The following DLGAP1 variants were observed in gnomAD, a reference collection of about 807,000 sequenced individuals.
DLGAP1 encodes disks large-associated protein 1.
DLGAP1 carries 11 observed loss-of-function variants against 90.8 expected under a neutral mutation model. The observed-to-expected ratio is 0.12, with a 90% confidence interval of 0.08 to 0.20. DLGAP1 has a LOEUF of 0.20. DLGAP1 is among the 10% of genes least tolerant of loss of function. DLGAP1 has a pLI of 1.00. For missense variants in DLGAP1, 1,050 were observed against 1,333.8 expected (o/e 0.79, Z 3.31); for synonymous variants, 558 against 540.7 (o/e 1.03, Z -0.44).
chr18:4,155,701 A>T (rs2076744483), intron 1 of DLGAP1, among the ~76,000 whole-genome samples: 1 of 152,176 alleles, frequency 6.6e-6, no homozygotes, highest in African/African-American at 2.4e-5. Flanking sequence ...TGAATTTGTA[A>T]CATTAAACAT....
intron 7 of DLGAP1, among the ~76,000 whole-genome samples, chr18:3,600,939 G>GATAGATAT (rs1364981313): frequency 3.4e-5 from 2 of 58,166 alleles, no homozygotes; most frequent in African/African-American, 9.7e-5. Flanking sequence ...TAGATATATA[G>GATAGATAT]ATAGATATAT....
At chr18:4,385,080 T>G (rs1407462141) in intron 1 of DLGAP1, among the ~76,000 whole-genome samples, 2 of 152,050 alleles carry the variant, frequency 1.3e-5, no homozygotes, top group Non-Finnish European at 2.9e-5. Context: ...CAATAAGTAA[T>G]AATGAAAGCT....
intron 1 of DLGAP1, among the ~76,000 whole-genome samples, chr18:4,156,318 G>C (rs746545740): frequency 6.6e-6 from 1 of 152,286 alleles, no homozygotes; most frequent in East Asian, 1.9e-4. Flanking sequence ...GTGATTGGTA[G>C]TATTCCTATT....
At chr18:3,548,585 G>A (rs917624099) in intron 9 of DLGAP1, among the ~76,000 whole-genome samples, 1 of 152,066 alleles carries the variant, frequency 6.6e-6, no homozygotes, top group Non-Finnish European at 1.5e-5. Flanking sequence ...TGTGCAACAT[G>A]GTGAAACCCC....
At chr18:4,395,941 C>T (rs762738026) in intron 1 of DLGAP1, among the ~76,000 whole-genome samples, 10 of 152,144 alleles carry the variant, frequency 6.6e-5, no homozygotes, top group Non-Finnish European at 1.5e-4. Context: ...GGAAAAGTGA[C>T]AGAGTCTACC....
chr18:3,712,899 C>T (rs1400964382), intron 7 of DLGAP1, among the ~76,000 whole-genome samples: 1 of 152,208 alleles, frequency 6.6e-6, no homozygotes, highest in Non-Finnish European at 1.5e-5. Flanking sequence ...AAGGCAAATT[C>T]GTGGGAGTGA....
intron 2 of DLGAP1, among the ~76,000 whole-genome samples, chr18:4,036,601 T>C (rs1156772983): frequency 6.6e-6 from 1 of 152,186 alleles, no homozygotes; most frequent in Non-Finnish European, 1.5e-5. Context: ...TGAACATGCG[T>C]TCTAAATACT....
chr18:4,395,543 C>T (rs1236397471), intron 1 of DLGAP1, among the ~76,000 whole-genome samples: 1 of 152,146 alleles, frequency 6.6e-6, no homozygotes, highest in Non-Finnish European at 1.5e-5. Flanking sequence ...CTGTAAAGAT[C>T]ATTAACATGG....
chr18:4,085,580 G>A (rs1399375985), intron 2 of DLGAP1, among the ~76,000 whole-genome samples: 1 of 152,182 alleles, frequency 6.6e-6, no homozygotes. Context: ...AATACTTTGA[G>A]AGCAAAACCT....
chr18:3,952,074 T>C (rs2072997401), intron 3 of DLGAP1, among the ~76,000 whole-genome samples: 1 of 152,162 alleles, frequency 6.6e-6, no homozygotes, highest in South Asian at 2.1e-4. Context: ...ATTTCTATAA[T>C]AGAGAGATAG....
chr18:3,969,003 G>A lies in DLGAP1; in HGVS notation c.-73+36113C>T, dbSNP rs1054832636. Among the ~76,000 whole-genome samples, 7 of 151,874 alleles carry A rather than the reference G, an allele frequency of 4.6e-5. 1 individual carries two copies. Among genetic ancestry groups the A allele is most frequent in the Non-Finnish European group, 7.4e-5 (5 of 67,958 alleles). On this transcript the variant is annotated intron_variant, in intron 3 of 12. Transcript: ENST00000315677. ...ATTTTGCAGGTGGCAAGAGACCAGC[G>A]AGACAACAAAGGAAAGAAGTTAACT...
At chr18:4,232,005 A>T (rs2078309703) in intron 1 of DLGAP1, among the ~76,000 whole-genome samples, 1 of 152,184 alleles carries the variant, frequency 6.6e-6, no homozygotes, top group Admixed American at 6.6e-5. Context: ...GTAGAACTGA[A>T]TAAATTGAAT....
intron 2 of DLGAP1, among the ~76,000 whole-genome samples, chr18:4,119,333 A>G (rs1392517301): frequency 6.6e-6 from 1 of 152,068 alleles, no homozygotes; most frequent in Non-Finnish European, 1.5e-5. Flanking sequence ...GGCTCAGGCA[A>G]TCCTCCCTCC....
chr18:4,271,662 A>G (rs2079285019), intron 1 of DLGAP1, among the ~76,000 whole-genome samples: 1 of 152,006 alleles, frequency 6.6e-6, no homozygotes, highest in South Asian at 2.1e-4. Flanking sequence ...TAATATTTCT[A>G]CTCCTCCACT....
At chr18:3,623,346 T>C (rs548066978) in intron 7 of DLGAP1, among the ~76,000 whole-genome samples, 1 of 152,364 alleles carries the variant, frequency 6.6e-6, no homozygotes, top group African/African-American at 2.4e-5. Flanking sequence ...ATAGCTATGA[T>C]TATTTTCACG....
Position 4,141,512 on chromosome 18 carries a change from TG to T in DLGAP1, c.-159+9667del, listed in dbSNP as rs1306307419. 2.0e-5 allele frequency among the ~76,000 whole-genome samples: 3 copies of T among 152,054 alleles called. No individual in the cohort carries two copies. In the East Asian group the frequency reaches 5.8e-4, roughly 29 times the overall value. The stretch of plus-strand genomic sequence containing the variant: ...AGGTGCTCATTAAGTATGAAAGTTT[TG>T]GCAAATGAAGTCTTAAAGTCTTAAT... On this transcript the variant is annotated intron_variant, in intron 2 of 12. Transcript: ENST00000315677.
chr18:4,297,870 C>A lies in DLGAP1; in HGVS notation c.-266-146583G>T, dbSNP rs537853511. On this transcript the variant is annotated intron_variant, in intron 1 of 12. Transcript: ENST00000315677. The stretch of plus-strand genomic sequence containing the variant: ...TCTCTCCTAATTTGGGGGTTCCTCT[C>A]CCATGATGCAAACCTAATGCAAACG... Among the ~76,000 whole-genome samples the A allele has an allele frequency of 6.6e-5, 10 of 152,214 alleles. No homozygotes were observed. In the South Asian group the frequency reaches 2.1e-3, roughly 32 times the overall value.
rs182815232 is a variant in DLGAP1, at chr18:3,985,106, C to A, written c.-73+20010G>T. On this transcript the variant is annotated intron_variant, in intron 3 of 12. Transcript: ENST00000315677. ...TCTCATGACTGTGTGAACCCTTATT[C>A]AAAGATACCAGCCACATGCATCTGC... Among the ~76,000 whole-genome samples the A allele has an allele frequency of 3.3e-4, 51 of 152,260 alleles. No homozygotes were observed. The East Asian group carries it at 9.5e-3, about 28-fold the overall frequency.
At chr18:4,075,767 C>T (rs906119467) in intron 2 of DLGAP1, among the ~76,000 whole-genome samples, 2 of 152,154 alleles carry the variant, frequency 1.3e-5, no homozygotes, top group Non-Finnish European at 2.9e-5. Context: ...TATTTCTTTC[C>T]AACAAGGCAA....
Sources: allele counts gnomAD v4.1 joint callset (sites outside exome capture counted in the v4.1 genomes callset), GRCh38; gene constraint gnomAD v4.1.1; transcripts MANE v1.5; gene names NCBI Gene and HGNC (gene_info 2026-07-23, HGNC 2026-07-21).